The following KMT2C variants were observed in gnomAD, a reference collection of about 807,000 sequenced individuals.
KMT2C encodes the protein histone-lysine N-methyltransferase 2C.
KMT2C carries 88 observed loss-of-function variants against 507.9 expected under a neutral mutation model. The ratio of observed to expected loss-of-function variants is 0.17; its 90% confidence interval spans 0.15 to 0.21. The LOEUF (loss-of-function observed/expected upper bound fraction) is 0.21, where lower values mean the gene tolerates loss of function less well. KMT2C is among the 10% of genes least tolerant of loss of function. The pLI is 1.00. For missense variants in KMT2C, 4,954 were observed against 5,957.8 expected, an observed-to-expected ratio of 0.83 and a Z score of 5.55; for synonymous variants, 2,049 against 2,080.8, an observed-to-expected ratio of 0.98 and a Z score of 0.42.
Position 152,375,543 on chromosome 7 carries a change from G to A in KMT2C, c.162-16868C>T, listed in dbSNP as rs186317127. ...TGGGATTACAGGCGCCCACAACCAC[G>A]CCCAGCTAATTTTTGTATTTTTAGT... On this transcript the variant is annotated intron_variant, in intron 1 of 58. Transcript: ENST00000262189. 9.1e-3 allele frequency among the ~76,000 whole-genome samples: 1,313 copies of A among 144,520 alleles called. 9 individuals are homozygous for A. The highest frequency in any genetic ancestry group is 0.022 in the Middle Eastern group (5 of 232). The allele number at this position is 144,520 out of a possible 152,430, so 94.8% of individuals were successfully genotyped here. A position where few individuals can be genotyped will look rare whatever the true frequency, so the allele number is the denominator to read the frequency against.
chr7:152,152,797 C>T lies in KMT2C; in HGVS notation c.12434G>A (p.Arg4145His), dbSNP rs143770207. Residue 4145 changes from arginine (R) to histidine (H), a missense_variant, in exon 49 of 59, where the codon CGT becomes CAT. Around this residue, in one of 29 missense-constraint regions of KMT2C, gnomAD observed 417 missense variants for 461.1 expected, o/e 0.90. Transcript: ENST00000262189. Reference protein sequence around the residue: ...GLEYRQHLLLRGPPPGSANPP... With the variant: ...GLEYRQHLLLHGPPPGSANPP... Reference sequence around the variant, plus strand: ...GTTTGCAGATCCTGGCGGAGGCCCACGGAGAAGTAAATGCTGTCGATACTC... The same window carrying T: ...GTTTGCAGATCCTGGCGGAGGCCCATGGAGAAGTAAATGCTGTCGATACTC... The T allele has an allele frequency of 8.6e-5, 139 of 1,614,136 alleles. 1 individual carries two copies. In the African/African-American group the frequency reaches 1.5e-3, roughly 18 times the overall value.
At chr7:152,174,102 C>T (rs2129110708) in intron 39 of KMT2C, 29 bp downstream of exon 39, 1 of 1,143,952 alleles carries the variant, frequency 8.7e-7, no homozygotes, top group Non-Finnish European at 1.3e-6. Context: ...TCTAGATGCC[C>T]AGTAGAAACA....
intron 2 of KMT2C, among the ~76,000 whole-genome samples, chr7:152,338,738 T>G (rs1340770215): frequency 6.6e-6 from 1 of 152,216 alleles, no homozygotes; most frequent in Non-Finnish European, 1.5e-5. Context: ...TAAAGCCTGA[T>G]GTGCTCTTTT....
chr7:152,246,791 A>G (rs946082533), intron 14 of KMT2C, among the ~76,000 whole-genome samples: 2 of 152,148 alleles, frequency 1.3e-5, no homozygotes, highest in African/African-American at 2.4e-5. Flanking sequence ...AGAAAAAGGC[A>G]TATATAAAGA....
chr7:152,384,587 C>A (rs1589627546), intron 1 of KMT2C, among the ~76,000 whole-genome samples: 1 of 151,094 alleles, frequency 6.6e-6, no homozygotes, highest in Admixed American at 6.6e-5. Flanking sequence ...ACCACCACCA[C>A]CACCACCACC....
chr7:152,219,863 C>G (rs545961797), intron 23 of KMT2C, among the ~76,000 whole-genome samples: 4 of 151,974 alleles, frequency 2.6e-5, no homozygotes, highest in Non-Finnish European at 4.4e-5. Flanking sequence ...ATTAGCCAGG[C>G]GTGGTGGCCC....
intron 1 of KMT2C, among the ~76,000 whole-genome samples, chr7:152,360,249 G>A (rs1281141814): frequency 9.3e-5 from 14 of 150,876 alleles, no homozygotes; most frequent in Non-Finnish European, 1.9e-4. Flanking sequence ...AGGCCGAGGT[G>A]GGTGGATCAC....
At chr7:152,179,604 T>C (rs1486158125) in intron 37 of KMT2C, among the ~76,000 whole-genome samples, 2 of 141,732 alleles carry the variant, frequency 1.4e-5, no homozygotes, top group African/African-American at 2.5e-5. Flanking sequence ...TCCTGATTAA[T>C]ACTAACTTCA....
rs1245067284 is a variant in KMT2C, at chr7:152,435,704, C to T, written c.83G>A (p.Ser28Asn). The change falls in exon 1 of 59, where the codon AGC becomes AAC. Residue 28 changes from serine to asparagine, a missense_variant. By Grantham distance (46) the Ser-to-Asn change is conservative (BLOSUM62 1). Coordinates refer to ENST00000262189, the MANE Select transcript of KMT2C (RefSeq NM_170606.3). ...PPEEPGAPAP[S>N]PAAADKRPRG... is the part of the protein sequence containing the mutation. ...AGGTCTTTTGTCTGCGGCTGCGGGG[C>T]TCGGGGCCGGGGCTCCAGGCTCCTC... 1.3e-6 allele frequency: 2 copies of T among 1,540,282 alleles called. No individual in the cohort carries two copies. Among genetic ancestry groups the T allele is most frequent in the East Asian group, 5.2e-5 (2 of 38,614 alleles).
At chr7:152,323,729 G>A (rs1403047895) in intron 3 of KMT2C, among the ~76,000 whole-genome samples, 3 of 146,706 alleles carry the variant, frequency 2.0e-5, no homozygotes, top group African/African-American at 7.5e-5. Flanking sequence ...GAGGGACGAA[G>A]GGAGAGAAGG....
At chr7:152,230,166 G>T in intron 17 of KMT2C, 54 bp downstream of exon 17, 1 of 1,118,872 alleles carries the variant, frequency 8.9e-7, no homozygotes, top group South Asian at 1.3e-5. Context: ...AGATAAAGCA[G>T]AAATGTGCAA....
At chr7:152,263,165 T>G in intron 8 of KMT2C, 35 bp from the exon 9 acceptor site, 1 of 1,540,652 alleles carries the variant, frequency 6.5e-7, no homozygotes, top group Non-Finnish European at 8.9e-7. Flanking sequence ...ATGCCTTATC[T>G]TTAAACTTAT....
intron 1 of KMT2C, among the ~76,000 whole-genome samples, chr7:152,373,195 C>T (rs80168150): frequency 0.023 from 3,447 of 152,212 alleles, 44 homozygotes; most frequent in Non-Finnish European, 0.036. Flanking sequence ...TCTATGTCCA[C>T]GGGTTCCGCA....
chr7:152,200,884 C>G (rs1366026202), intron 26 of KMT2C, among the ~76,000 whole-genome samples: 1 of 152,064 alleles, frequency 6.6e-6, no homozygotes, highest in Non-Finnish European at 1.5e-5. Context: ...AATGATATAT[C>G]TGATTTGAAA....
At chr7:152,297,035 A>AAGAAAGAAAGAAAGAC (rs2096510754) in intron 6 of KMT2C, among the ~76,000 whole-genome samples, 1 of 97,036 alleles carries the variant, frequency 1.0e-5, no homozygotes, top group African/African-American at 5.2e-5. Context: ...GAAAGAAAGA[A>AAGAAAGAAAGAAAGAC]AGAAAGAAAG....
At chr7:152,246,499 T>C (rs1429161307) in intron 14 of KMT2C, among the ~76,000 whole-genome samples, 2 of 152,098 alleles carry the variant, frequency 1.3e-5, no homozygotes, top group South Asian at 2.1e-4. Flanking sequence ...GTATTGAACC[T>C]GGTTTCTCAA....
chr7:152,176,134 T>C (rs2093198541), intron 38 of KMT2C, 57 bp downstream of exon 38: 1 of 1,423,298 alleles, frequency 7.0e-7, no homozygotes, highest in Non-Finnish European at 9.5e-7. Flanking sequence ...TATAAGCATA[T>C]CGCATGCCAC....
chr7:152,348,599 T>TAAAAAAAAAAAAAA (rs201530125), intron 2 of KMT2C, among the ~76,000 whole-genome samples: 15 of 48,992 alleles, frequency 3.1e-4, no homozygotes, highest in East Asian at 2.0e-3. Context: ...AACTCTGTCT[T>TAAAAAAAAAAAAAA]AAAAAAAAAA....
At chr7:152,329,567 C>T (rs1352201044) in intron 3 of KMT2C, among the ~76,000 whole-genome samples, 4 of 146,840 alleles carry the variant, frequency 2.7e-5, no homozygotes, top group Non-Finnish European at 4.5e-5. Flanking sequence ...AAGACCTTGC[C>T]TCAAAAAATA....
Sources: allele counts gnomAD v4.1 joint callset (sites outside exome capture counted in the v4.1 genomes callset), GRCh38; gene constraint gnomAD v4.1.1; regional missense constraint gnomAD v4.1.1; transcripts MANE v1.5; gene names NCBI Gene and HGNC (gene_info 2026-07-23, HGNC 2026-07-21).